PDE1B: variants seen among roughly 807,000 people sequenced by gnomAD.
The protein encoded by PDE1B is dual specificity calcium/calmodulin-dependent 3',5'-cyclic nucleotide phosphodiesterase 1B.
Under a neutral mutation model 66.7 loss-of-function variants are expected in PDE1B, and 13 were observed. The observed-to-expected ratio is 0.19, with a 90% confidence interval of 0.13 to 0.31. PDE1B has a LOEUF of 0.31. Among genes scored for constraint, PDE1B ranks in the 10% least tolerant of loss-of-function variants. The pLI, the probability that PDE1B is intolerant of heterozygous loss-of-function variation, is 1.00. For synonymous variants in PDE1B, 230 were observed against 253.9 expected, an observed-to-expected ratio of 0.91 and a Z score of 0.90; for missense variants, 485 against 682.3, an observed-to-expected ratio of 0.71 and a Z score of 3.22.
chr12:54,550,750 G>A (rs1300463243), intron 2 of PDE1B, among the ~76,000 whole-genome samples: 1 of 152,134 alleles, frequency 6.6e-6, no homozygotes, highest in African/African-American at 2.4e-5. Context: ...GCACATTTGG[G>A]CATCTTTTCC....
chr12:54,566,953 C>T, intron 2 of PDE1B, 21 bp from the exon 3 acceptor site: 1 of 1,428,646 alleles, frequency 7.0e-7, no homozygotes. Flanking sequence ...TAAGCAGCCT[C>T]TCTGTATCTG....
At chr12:54,568,725 G>A (rs1957562710) in intron 3 of PDE1B, among the ~76,000 whole-genome samples, 1 of 152,082 alleles carries the variant, frequency 6.6e-6, no homozygotes, top group Admixed American at 6.6e-5. Flanking sequence ...GAACCCGGGA[G>A]GCGGAGGTTG....
chr12:54,551,643 C>A (rs940686140), intron 2 of PDE1B, among the ~76,000 whole-genome samples: 3 of 152,198 alleles, frequency 2.0e-5, no homozygotes, highest in African/African-American at 7.2e-5. Flanking sequence ...TTCCAGGTAA[C>A]AGGGCCCTGC....
Position 54,573,518 on chromosome 12 carries a change from C to G in PDE1B, c.962+38C>G. On this transcript the variant is annotated intron_variant, in intron 9 of 15. Transcript: ENST00000243052. The surrounding 1 kb of genome is among the most constrained non-coding windows in gnomAD (Gnocchi z 5.2). Reference sequence around the variant, plus strand: ...CAGTACTTGGCATCCCTAAGAGACTCCCTTACCACAAACTCCATTTTCCAC... The same window carrying G: ...CAGTACTTGGCATCCCTAAGAGACTGCCTTACCACAAACTCCATTTTCCAC... The G allele has an allele frequency of 6.2e-7, 1 of 1,613,662 alleles. No individual in the cohort carries two copies. Among genetic ancestry groups the G allele is most frequent in the Non-Finnish European group, 8.5e-7 (1 of 1,179,564 alleles).
intron 7 of PDE1B, among the ~76,000 whole-genome samples, 189 bp downstream of exon 7, chr12:54,572,930 G>A (rs1957643146): frequency 6.6e-6 from 1 of 152,206 alleles, no homozygotes; most frequent in South Asian, 2.1e-4. Flanking sequence ...GTTGGACAGT[G>A]CTAGGGACAT....
At position 54,576,071 on chromosome 12, in the gene PDE1B, T is replaced by C; in HGVS notation, c.1347T>C (p.Asp449=). The C allele has an allele frequency of 6.2e-7, 1 of 1,613,186 alleles. No individual in the cohort carries two copies. The highest frequency in any genetic ancestry group is 8.5e-7 in the Non-Finnish European group (1 of 1,179,106). Residue 449 remains aspartate, a synonymous_variant, in exon 13 of 16, where the codon GAT becomes GAC. Coordinates refer to ENST00000243052, the MANE Select transcript of PDE1B (RefSeq NM_000924.4). Reference sequence around the variant, plus strand: ...AGAAGAGTGTTCAGCCCCTGGCGGATGAGGACTCCAAGTCTAAAAACCAGC... The same window carrying C: ...AGAAGAGTGTTCAGCCCCTGGCGGACGAGGACTCCAAGTCTAAAAACCAGC... ...VAEKSVQPLA[D]EDSKSKNQPS...
intron 10 of PDE1B, chr12:54,574,148 C>T (rs542508238): frequency 3.7e-5 from 7 of 188,976 alleles, no homozygotes; most frequent in Middle Eastern, 2.3e-3. Flanking sequence ...GAGAGTCATA[C>T]GAGGTTTAAA....
In PDE1B at chr12:54,549,635, A is replaced by G. The variant is rs1024553186; in HGVS notation, c.-151A>G. On this transcript the variant is annotated 5_prime_UTR_variant, in exon 1 of 16. Transcript: ENST00000243052. ...CGGCGGCGGCGGTAGCGGCAGCAGC[A>G]GCGGCGGTGCGGAGAGCTTGGACTG... The G allele has an allele frequency of 4.2e-6, 2 of 470,868 alleles. No individual in the cohort carries two copies. Among genetic ancestry groups the G allele is most frequent in the Non-Finnish European group, 3.7e-6 (1 of 267,176 alleles). 29.2% of individuals were successfully genotyped at this position (470,868 alleles called of 1,614,324 possible). A position where few individuals can be genotyped will look rare whatever the true frequency, so the allele number is the denominator to read the frequency against.
In PDE1B at chr12:54,577,766, C is replaced by T. The variant is rs115952832; in HGVS notation, c.*18-94C>T. ...AGGGCATTTTTTGCACAGCTCTACTCGGGACTGAGTGGGGATCAGGACTTG... is the reference window on the plus strand; with the variant it reads ...AGGGCATTTTTTGCACAGCTCTACTTGGGACTGAGTGGGGATCAGGACTTG... On this transcript the variant is annotated intron_variant, in intron 15 of 15. Coordinates refer to ENST00000243052, the MANE Select transcript of PDE1B (RefSeq NM_000924.4). 900 of 460,766 alleles carry T rather than the reference C, an allele frequency of 2.0e-3. 4 individuals are homozygous for T. Among genetic ancestry groups the T allele is most frequent in the African/African-American group, 0.014 (719 of 50,888 alleles). 28.5% of individuals were successfully genotyped at this position (460,766 alleles called of 1,614,324 possible).
chr12:54,570,377 C>G lies in PDE1B; in HGVS notation c.594+20C>G, dbSNP rs77713183. 800 of 1,363,062 alleles carry G rather than the reference C, an allele frequency of 5.9e-4. 3 individuals carry two copies. The African/African-American group carries it at 9.9e-3, about 17-fold the overall frequency. The allele number at this position is 1,363,062 out of a possible 1,614,324, so 84.4% of individuals were successfully genotyped here. On this transcript the variant is annotated intron_variant, in intron 6 of 15. Transcript: ENST00000243052. The stretch of plus-strand genomic sequence containing the variant: ...TTCAAGGTTGGGCAGCATCCTACCT[C>G]TACCTCCAGGCAGGATTCTCCACTC...
intron 2 of PDE1B, among the ~76,000 whole-genome samples, chr12:54,562,431 G>A (rs934181582): frequency 1.3e-5 from 2 of 152,182 alleles, no homozygotes; most frequent in African/African-American, 4.8e-5. Flanking sequence ...GGCAGGGATG[G>A]AGTTCGAAGG....
At chr12:54,565,785 C>G (rs549376328) in intron 2 of PDE1B, among the ~76,000 whole-genome samples, 1 of 152,306 alleles carries the variant, frequency 6.6e-6, no homozygotes, top group African/African-American at 2.4e-5. Flanking sequence ...CATTCCAAAG[C>G]TGCCGAGACC....
intron 15 of PDE1B, 51 bp downstream of exon 15, chr12:54,577,396 T>C (rs1471859172): frequency 5.6e-6 from 9 of 1,608,844 alleles, no homozygotes; most frequent in Admixed American, 5.0e-5. Flanking sequence ...TATCATGGCA[T>C]CTTTGTTGGG....
intron 3 of PDE1B, 54 bp downstream of exon 3, chr12:54,567,141 G>A: frequency 1.1e-6 from 1 of 924,648 alleles, no homozygotes. Context: ...TAGTGTTCCA[G>A]AGAGAGGGGT....
chr12:54,553,065 T>C (rs1261883080), intron 2 of PDE1B, among the ~76,000 whole-genome samples: 2 of 152,200 alleles, frequency 1.3e-5, no homozygotes, highest in African/African-American at 2.4e-5. Context: ...CAGTCGGTGG[T>C]GGACAAAACA....
chr12:54,572,504 C>T (rs1565702709), intron 6 of PDE1B, 97 bp from the exon 7 acceptor site: 1 of 1,180,078 alleles, frequency 8.5e-7, no homozygotes. Context: ...CTCCCTATGC[C>T]ACACTGCCTT....
intron 3 of PDE1B, among the ~76,000 whole-genome samples, chr12:54,568,307 TAAG>T (rs1397308737): frequency 6.6e-6 from 1 of 151,438 alleles, no homozygotes; most frequent in African/African-American, 2.4e-5. Flanking sequence ...CTACAAAAAA[TAAG>T]AATTAGCTGG....
At chr12:54,553,053 TAC>T (rs1386716805) in intron 2 of PDE1B, among the ~76,000 whole-genome samples, 2 of 152,238 alleles carry the variant, frequency 1.3e-5, no homozygotes, top group Non-Finnish European at 2.9e-5. Context: ...ATGCTGAGAA[TAC>T]AGTCGGTGGT....
intron 2 of PDE1B, among the ~76,000 whole-genome samples, chr12:54,563,693 G>A (rs147008107): frequency 6.6e-6 from 1 of 152,208 alleles, no homozygotes; most frequent in East Asian, 1.9e-4. Flanking sequence ...TTTTGTATGT[G>A]CCAGGCCTTT....
Sources: gnomAD v4.1 joint callset for allele counts (sites outside exome capture counted in the v4.1 genomes callset) on GRCh38, gnomAD v4.1.1 for gene constraint, Gnocchi (gnomAD v3.1) non-coding constraint, MANE v1.5 for transcripts, NCBI Gene and HGNC (gene_info 2026-07-23, HGNC 2026-07-21) for gene names.